SLC7A5: variants seen among roughly 807,000 people sequenced by gnomAD.
SLC7A5 encodes the protein large neutral amino acids transporter small subunit 1.
A neutral mutation model predicts 50.2 loss-of-function variants in SLC7A5; 23 were observed. That is an observed-to-expected ratio of 0.46 (90% CI 0.33 to 0.65). The LOEUF (loss-of-function observed/expected upper bound fraction) is 0.65, where lower values mean the gene tolerates loss of function less well. Among genes scored for constraint, SLC7A5 ranks in the 30% least tolerant of loss-of-function variants. The pLI is 0.02. For synonymous variants in SLC7A5, 393 were observed against 330.6 expected, an observed-to-expected ratio of 1.19 and a Z score of -2.05; for missense variants, 578 against 684.4, an observed-to-expected ratio of 0.84 and a Z score of 1.73.
At chr16:87,839,077 G>A (rs2055049823) in intron 5 of SLC7A5, among the ~76,000 whole-genome samples, 2 of 152,248 alleles carry the variant, frequency 1.3e-5, no homozygotes, top group Non-Finnish European at 2.9e-5. Flanking sequence ...CCTGGAGCAA[G>A]CTACGGCCTG....
intron 4 of SLC7A5, 45 bp downstream of exon 4, chr16:87,840,384 A>T (rs779389263): frequency 1.3e-6 from 2 of 1,540,602 alleles, no homozygotes; most frequent in East Asian, 2.2e-5. Flanking sequence ...CCTGCCTCAC[A>T]TTAAAATAAT....
At chr16:87,845,129 G>A (rs2055135109) in intron 2 of SLC7A5, among the ~76,000 whole-genome samples, 1 of 152,202 alleles carries the variant, frequency 6.6e-6, no homozygotes, top group Admixed American at 6.5e-5. Flanking sequence ...TGTTGCTAAA[G>A]CCAGTCTGTA....
Position 87,833,675 on chromosome 16 carries a change from C to T in SLC7A5, c.1469-650G>A, listed in dbSNP as rs754202193. ...CTCCCTGCCTGTGTTGCTGCCATCC[C>T]GGGAATTCTCCAAGCCACCCAGTGA... On this transcript the variant is annotated intron_variant, in intron 9 of 9. Transcript: ENST00000261622. This position sits in a 1 kb window ranked among gnomAD's most constrained non-coding sequence, Gnocchi z 6.0. Among the ~76,000 whole-genome samples the T allele has an allele frequency of 2.7e-4, 41 of 152,054 alleles. No individual in the cohort carries two copies. The highest frequency in any genetic ancestry group is 4.4e-4 in the Non-Finnish European group (30 of 67,996).
chr16:87,834,380 G>T, intron 9 of SLC7A5, 34 bp downstream of exon 9: 1 of 1,548,390 alleles, frequency 6.5e-7, no homozygotes, highest in Non-Finnish European at 8.7e-7. Context: ...CAGGGCAGAG[G>T]GTACCACGGG....
intron 2 of SLC7A5, among the ~76,000 whole-genome samples, chr16:87,848,763 G>A (rs1597504181): frequency 1.3e-5 from 2 of 152,310 alleles, no homozygotes; most frequent in South Asian, 4.1e-4. Flanking sequence ...CCATTCACGT[G>A]CCTATGGCTC....
rs2055084654 is a variant in SLC7A5, at chr16:87,841,666, A to G, written c.665-511T>C. Among the ~76,000 whole-genome samples the G allele has an allele frequency of 6.6e-6, 1 of 152,174 alleles. No individual in the cohort carries two copies. The highest frequency in any genetic ancestry group is 2.4e-5 in the African/African-American group (1 of 41,446). The stretch of plus-strand genomic sequence containing the variant: ...TGGCAGGACAGGCCTGGGCAAGAAC[A>G]TAGGTTTGTCCTGGACCGTGCTGAG... On this transcript the variant is annotated intron_variant, in intron 2 of 9. Coordinates refer to ENST00000261622, the MANE Select transcript of SLC7A5 (RefSeq NM_003486.7). This position sits in a 1 kb window ranked among gnomAD's most constrained non-coding sequence, Gnocchi z 4.8.
chr16:87,846,428 G>A (rs912481990), intron 2 of SLC7A5, among the ~76,000 whole-genome samples: 7 of 152,240 alleles, frequency 4.6e-5, no homozygotes, highest in South Asian at 2.1e-4. Flanking sequence ...CCAGGAGAGC[G>A]GGGCCCGAAG....
At position 87,832,014 on chromosome 16, in the gene SLC7A5, G is replaced by C. The variant is rs1049672812; in HGVS notation, c.*956C>G. The stretch of plus-strand genomic sequence containing the variant: ...CCAGAAGGGGCTGCCGGGCGGTACA[G>C]AGGCCAATGCATTGGAGGCTGAGGG... On this transcript the variant is annotated 3_prime_UTR_variant, in exon 10 of 10. Coordinates refer to ENST00000261622, the MANE Select transcript of SLC7A5 (RefSeq NM_003486.7). The surrounding 1 kb of genome is among the most constrained non-coding windows in gnomAD (Gnocchi z 4.6). 6 of 152,700 alleles carry C rather than the reference G, an allele frequency of 3.9e-5. No individual in the cohort carries two copies. The highest frequency in any genetic ancestry group is 9.6e-5 in the African/African-American group (4 of 41,468). 9.5% of individuals were successfully genotyped at this position (152,700 alleles called of 1,614,324 possible).
chr16:87,845,570 C>T (rs1308875918), intron 2 of SLC7A5, among the ~76,000 whole-genome samples: 3 of 135,772 alleles, frequency 2.2e-5, no homozygotes, highest in South Asian at 5.5e-4. Context: ...TAGGCCACGG[C>T]GCCGCTTTTC....
intron 1 of SLC7A5, among the ~76,000 whole-genome samples, chr16:87,857,994 G>A (rs564595300): frequency 6.6e-6 from 1 of 152,252 alleles, no homozygotes; most frequent in South Asian, 2.1e-4. Flanking sequence ...AGGGTAAGCA[G>A]GAGAACTGGA....
Position 87,841,557 on chromosome 16 carries a change from C to T in SLC7A5, c.665-402G>A, listed in dbSNP as rs144129671. 9.8e-5 allele frequency among the ~76,000 whole-genome samples: 15 copies of T among 152,358 alleles called. No individual in the cohort carries two copies. The highest frequency in any genetic ancestry group is 2.2e-4 in the African/African-American group (9 of 41,588). ...GAGACCTCGGTTTGCATCCTGGCTACGGCAACAAGGAAGGCCCAGAGCCAC... is the reference window on the plus strand; with the variant it reads ...GAGACCTCGGTTTGCATCCTGGCTATGGCAACAAGGAAGGCCCAGAGCCAC... On this transcript the variant is annotated intron_variant, in intron 2 of 9. Transcript: ENST00000261622. This position sits in a 1 kb window ranked among gnomAD's most constrained non-coding sequence, Gnocchi z 4.8.
chr16:87,840,561 G>C lies in SLC7A5; in HGVS notation c.771-88C>G, dbSNP rs1311682177. 60 of 1,163,856 alleles carry C rather than the reference G, an allele frequency of 5.2e-5. No individual in the cohort carries two copies. The East Asian group carries it at 1.4e-3, about 28-fold the overall frequency. 72.1% of individuals were successfully genotyped at this position (1,163,856 alleles called of 1,614,324 possible). On this transcript the variant is annotated intron_variant, in intron 3 of 9. Transcript: ENST00000261622. ...GAGAGAGCATCCCAGGGCAGCTGGTGAGCCTGCCCCCCGGTGGTCTGCTCG... is the reference window on the plus strand; with the variant it reads ...GAGAGAGCATCCCAGGGCAGCTGGTCAGCCTGCCCCCCGGTGGTCTGCTCG...
At chr16:87,843,347 CTTTTTTTTTTTTTTTTTTTTTTTTTTT>C (rs60307560) in intron 2 of SLC7A5, among the ~76,000 whole-genome samples, 5 of 63,258 alleles carry the variant, frequency 7.9e-5, no homozygotes, top group African/African-American at 2.6e-4. Flanking sequence ...GCCTGAGTAA[CTTTTTTTTTTTTTTTTTTTTTTTTTTT>C]TTTTTTTTTT....
At position 87,869,313 on chromosome 16, in the gene SLC7A5, G is replaced by A. The variant is rs1213505361; in HGVS notation, c.110C>T (p.Pro37Leu). ...LAAKSADGSAPAGEGEGVTLQ... is the reference protein window; with the variant it reads ...LAAKSADGSALAGEGEGVTLQ... ...GGTCACGCCCTCGCCCTCGCCTGCC[G>A]GCGCCGAGCCGTCCGCGCTCTTGGC... Residue 37 changes from proline to leucine, a missense_variant, in exon 1 of 10, where the codon CCG becomes CTG. Pro to Leu is a moderately conservative substitution (Grantham distance 98, BLOSUM62 -3). Coordinates refer to ENST00000261622, the MANE Select transcript of SLC7A5 (RefSeq NM_003486.7). 2 of 1,610,848 alleles carry A rather than the reference G, an allele frequency of 1.2e-6. No individual in the cohort carries two copies. Among genetic ancestry groups the A allele is most frequent in the South Asian group, 2.2e-5 (2 of 90,988 alleles).
In SLC7A5 at chr16:87,852,943, C is replaced by T. The variant is rs111446117; in HGVS notation, c.539-1094G>A. On this transcript the variant is annotated intron_variant, in intron 1 of 9. Coordinates refer to ENST00000261622, the MANE Select transcript of SLC7A5 (RefSeq NM_003486.7). The surrounding 1 kb of genome is among the most constrained non-coding windows in gnomAD (Gnocchi z 4.5). Reference sequence around the variant, plus strand: ...CTCCTCTGCTCACGAGGTTATCTGTCGCTGTCAGCAGCTTGAAATCTGCCA... The same window carrying T: ...CTCCTCTGCTCACGAGGTTATCTGTTGCTGTCAGCAGCTTGAAATCTGCCA... Among the ~76,000 whole-genome samples the T allele has an allele frequency of 5.5e-3, 833 of 152,298 alleles. 9 individuals are homozygous for T. The highest frequency in any genetic ancestry group is 9.7e-3 in the Non-Finnish European group (661 of 68,030).
At chr16:87,835,733 C>G (rs1005632919) in intron 8 of SLC7A5, among the ~76,000 whole-genome samples, 1 of 152,228 alleles carries the variant, frequency 6.6e-6, no homozygotes, top group African/African-American at 2.4e-5. Context: ...CTCGGCCTCC[C>G]AAAGTGCTGG....
rs1252485384 is a variant in SLC7A5 at position 87,868,966 on chromosome 16, C to A, written c.457G>T (p.Ala153Ser). ...SSQYIVALVF[A>S]TYLLKPLFPT... ...AAGAGCGGCTTGAGCAGGTAGGTGG[C>A]GAAGACCAGGGCCACGATGTACTGC... Residue 153 changes from alanine (A) to serine (S), a missense_variant, in exon 1 of 10, where the codon GCC becomes TCC. Around this residue, in one of 2 missense-constraint regions of SLC7A5, gnomAD observed 465 missense variants for 594.6 expected, o/e 0.78. Transcript: ENST00000261622. 1 of 1,610,202 alleles carries A rather than the reference C, an allele frequency of 6.2e-7. No homozygotes were observed. Among genetic ancestry groups the A allele is most frequent in the Non-Finnish European group, 8.5e-7 (1 of 1,179,296 alleles).
chr16:87,859,720 C>T (rs373919473), intron 1 of SLC7A5, among the ~76,000 whole-genome samples: 1 of 152,150 alleles, frequency 6.6e-6, no homozygotes, highest in African/African-American at 2.4e-5. Context: ...GTGGGCAGAT[C>T]ACGAGGTCAG....
At chr16:87,835,766 G>A (rs546269897) in intron 8 of SLC7A5, among the ~76,000 whole-genome samples, 95 of 152,248 alleles carry the variant, frequency 6.2e-4, no homozygotes, top group South Asian at 2.3e-3. Context: ...GAGCCACCGC[G>A]CCCAGCCTAA....
Sources: allele counts gnomAD v4.1 joint callset (sites outside exome capture counted in the v4.1 genomes callset), GRCh38; gene constraint gnomAD v4.1.1; regional missense constraint gnomAD v4.1.1; non-coding constraint Gnocchi (gnomAD v3.1); transcripts MANE v1.5; gene names NCBI Gene and HGNC (gene_info 2026-07-23, HGNC 2026-07-21).